HMGCLL1: variants seen among roughly 807,000 people sequenced by gnomAD.
HMGCLL1 encodes the protein 3-hydroxymethyl-3-methylglutaryl-CoA lyase, cytoplasmic.
Under a neutral mutation model 39.1 loss-of-function variants are expected in HMGCLL1, and 36 were observed. That is an observed-to-expected ratio of 0.92 (90% confidence interval 0.71 to 1.22). The LOEUF (loss-of-function observed/expected upper bound fraction) is 1.22. Ranked by LOEUF, HMGCLL1 falls within the 50% of genes most tolerant of loss-of-function variation. The pLI, the probability that HMGCLL1 is intolerant of heterozygous loss-of-function variation, is 0.00. For missense variants in HMGCLL1, 451 were observed against 416.5 expected (o/e 1.08, Z -0.72); for synonymous variants, 149 against 144.0 (o/e 1.03, Z -0.25).
chr6:55,518,073 T>A (rs189172207), intron 3 of HMGCLL1, among the ~76,000 whole-genome samples: 1 of 152,328 alleles, frequency 6.6e-6, no homozygotes, highest in African/African-American at 2.4e-5. Context: ...ATTCTAAATC[T>A]ATCTGACTTT....
the HMGCLL1 span, among the ~76,000 whole-genome samples, chr6:55,629,301 C>T: frequency 1.3e-5 from 2 of 152,062 alleles, no homozygotes; most frequent in South Asian, 4.1e-4. Context: ...GCATTTTGCC[C>T]CTGCCCTAAA....
intron 7 of HMGCLL1, among the ~76,000 whole-genome samples, chr6:55,448,275 A>T (rs1763939825): frequency 6.6e-6 from 1 of 151,176 alleles, no homozygotes; most frequent in African/African-American, 2.4e-5. Flanking sequence ...AAGATTGGCT[A>T]TCATGAAATA....
At chr6:55,636,215 C>T in the HMGCLL1 span, among the ~76,000 whole-genome samples, 1 of 152,026 alleles carries the variant, frequency 6.6e-6, no homozygotes, top group Non-Finnish European at 1.5e-5. Context: ...TGATTAAAAA[C>T]ATTTTAAACT....
At chr6:55,603,257 T>G in the HMGCLL1 span, among the ~76,000 whole-genome samples, 4 of 152,124 alleles carry the variant, frequency 2.6e-5, no homozygotes, top group African/African-American at 9.7e-5. Flanking sequence ...TTTTAACCTT[T>G]TCCTTATAGC....
the HMGCLL1 span, among the ~76,000 whole-genome samples, chr6:55,650,879 G>T: frequency 6.6e-6 from 1 of 151,898 alleles, no homozygotes; most frequent in Non-Finnish European, 1.5e-5. Flanking sequence ...AAAGCCCAAA[G>T]GCTCTTCTGT....
At chr6:55,494,033 T>A (rs936687036) in intron 7 of HMGCLL1, among the ~76,000 whole-genome samples, 5 of 152,138 alleles carry the variant, frequency 3.3e-5, no homozygotes, top group African/African-American at 9.7e-5. Flanking sequence ...CCACCGCGCC[T>A]GGCCCCTTCT....
chr6:55,471,822 C>T (rs1198481215), intron 7 of HMGCLL1, among the ~76,000 whole-genome samples: 3 of 151,618 alleles, frequency 2.0e-5, no homozygotes, highest in Non-Finnish European at 4.4e-5. Context: ...TGTTCTCATG[C>T]TGCTCTCACA....
At position 55,576,917 on chromosome 6, in the gene HMGCLL1, AATGAGCAGCTGAAC is replaced by A. The variant is rs1182985387; in HGVS notation, c.108+2017_108+2030del. On this transcript the variant is annotated intron_variant, in intron 1 of 8. Coordinates refer to ENST00000274901, the MANE Select transcript of HMGCLL1 (RefSeq NM_001042406.2). ...TTGAGATACCTAAGCGATGATGTCA[AATGAGCAGCTGAAC>A]ATCTGGACTGGAATTCAAGAGAAAT... Among the ~76,000 whole-genome samples, 4 of 152,208 alleles carry A rather than the reference AATGAGCAGCTGAAC, an allele frequency of 2.6e-5. No homozygotes were observed. The East Asian group carries it at 5.8e-4, about 22-fold the overall frequency.
intron 3 of HMGCLL1, 67 bp downstream of exon 3, chr6:55,541,662 G>A: frequency 1.3e-6 from 1 of 770,642 alleles, no homozygotes; most frequent in Non-Finnish European, 2.2e-6. Context: ...TAATATCACA[G>A]TATTTACCAA....
At chr6:55,628,165 AG>A in the HMGCLL1 span, among the ~76,000 whole-genome samples, 45 of 64,554 alleles carry the variant, frequency 7.0e-4, 3 homozygotes, top group African/African-American at 3.0e-3. Context: ...ATATATATAT[AG>A]TATATATACT....
chr6:55,550,839 A>G (rs1770287359), intron 1 of HMGCLL1, among the ~76,000 whole-genome samples: 1 of 151,662 alleles, frequency 6.6e-6, no homozygotes, highest in Non-Finnish European at 1.5e-5. Context: ...ACTGGCATCT[A>G]GTAGGGTAAA....
At chr6:55,660,287 G>GT in the HMGCLL1 span, among the ~76,000 whole-genome samples, 1 of 151,756 alleles carries the variant, frequency 6.6e-6, no homozygotes, top group African/African-American at 2.4e-5. Flanking sequence ...ATGTCACAGG[G>GT]TTTTTTTGTG....
chr6:55,505,813 A>C (rs2127431080), intron 5 of HMGCLL1, among the ~76,000 whole-genome samples: 1 of 151,840 alleles, frequency 6.6e-6, no homozygotes, highest in Non-Finnish European at 1.5e-5. Flanking sequence ...CTAAAAAGTA[A>C]ATTTGTATTC....
Position 55,579,139 on chromosome 6 carries a change from G to C in HMGCLL1, c.-84C>G, listed in dbSNP as rs1035913377. 9.9e-7 allele frequency: 1 copy of C among 1,012,440 alleles called. No individual in the cohort carries two copies. The highest frequency in any genetic ancestry group is 1.4e-5 in the South Asian group (1 of 73,436). The allele number at this position is 1,012,440 out of a possible 1,614,324, so 62.7% of individuals were successfully genotyped here. A position where few individuals can be genotyped will look rare whatever the true frequency, so the allele number is the denominator to read the frequency against. Reference sequence around the variant, plus strand: ...GGCACCGCGCTGGGAAACTGCGCCAGCTCGGGAGCGCGCCCCTCCGGTGCA... The same window carrying C: ...GGCACCGCGCTGGGAAACTGCGCCACCTCGGGAGCGCGCCCCTCCGGTGCA... On this transcript the variant is annotated 5_prime_UTR_variant, in exon 1 of 9. Transcript: ENST00000274901.
chr6:55,500,484 A>G (rs979963574), intron 5 of HMGCLL1, among the ~76,000 whole-genome samples: 1 of 152,012 alleles, frequency 6.6e-6, no homozygotes, highest in Non-Finnish European at 1.5e-5. Flanking sequence ...GATTCAGTAC[A>G]TAGCTATTGA....
At chr6:55,526,610 T>C (rs1768333137) in intron 3 of HMGCLL1, among the ~76,000 whole-genome samples, 3 of 152,182 alleles carry the variant, frequency 2.0e-5, no homozygotes, top group Non-Finnish European at 4.4e-5. Context: ...CCACTTTGAA[T>C]TGTGATTTTT....
chr6:55,580,406 C>CTA (rs1771956862), upstream of HMGCLL1, among the ~76,000 whole-genome samples: 1 of 73,266 alleles, frequency 1.4e-5, no homozygotes, highest in Non-Finnish European at 2.3e-5. Flanking sequence ...TTTTTTCTTT[C>CTA]TTTTTTTTTT....
At chr6:55,551,121 A>C (rs1372960739) in intron 1 of HMGCLL1, among the ~76,000 whole-genome samples, 6 of 151,802 alleles carry the variant, frequency 4.0e-5, no homozygotes, top group African/African-American at 1.2e-4. Context: ...ATACTAAGAG[A>C]ACTATATAAA....
At chr6:55,520,889 A>T (rs940760276) in intron 3 of HMGCLL1, among the ~76,000 whole-genome samples, 1 of 150,382 alleles carries the variant, frequency 6.6e-6, no homozygotes, top group Non-Finnish European at 1.5e-5. Flanking sequence ...AAAAAAAAAA[A>T]ATAGGCCTAC....
Sources: allele counts gnomAD v4.1 joint callset (sites outside exome capture counted in the v4.1 genomes callset), GRCh38; gene constraint gnomAD v4.1.1; transcripts MANE v1.5; gene names NCBI Gene and HGNC (gene_info 2026-07-23, HGNC 2026-07-21).